Variants in NCS1 observed in about 807,000 individuals in gnomAD.
NCS1 encodes the protein frequenin homolog.
NCS1 carries 6 observed loss-of-function variants against 28.4 expected under a neutral mutation model. The observed-to-expected ratio is 0.21, with a 90% CI of 0.12 to 0.42. The LOEUF is 0.42. NCS1 is among the 10% of genes least tolerant of loss of function. NCS1 has a pLI of 1.00. For missense variants in NCS1, 131 were observed against 241.4 expected (o/e 0.54, Z 3.03); for synonymous variants, 86 against 99.3 (o/e 0.87, Z 0.79).
intron 1 of NCS1, among the ~76,000 whole-genome samples, chr9:130,173,744 T>TGGAG (rs1421520371): frequency 2.0e-5 from 3 of 152,138 alleles, no homozygotes; most frequent in Non-Finnish European, 2.9e-5. Context: ...GCACCACCCC[T>TGGAG]GGAGGCAGCA....
intron 1 of NCS1, among the ~76,000 whole-genome samples, chr9:130,173,332 G>A (rs1832516602): frequency 6.6e-6 from 1 of 152,126 alleles, no homozygotes; most frequent in South Asian, 2.1e-4. Flanking sequence ...GCCACACCGG[G>A]AAGTGGGTTT....
At chr9:130,216,732 G>A (rs1301141908) in intron 2 of NCS1, among the ~76,000 whole-genome samples, 4 of 149,890 alleles carry the variant, frequency 2.7e-5, no homozygotes, top group African/African-American at 7.4e-5. Context: ...AAAAAAAAAA[G>A]GCTTCCTCGT....
At chr9:130,187,498 C>T (rs1832753329) in intron 1 of NCS1, among the ~76,000 whole-genome samples, 1 of 152,180 alleles carries the variant, frequency 6.6e-6, no homozygotes, top group Admixed American at 6.5e-5. Context: ...CCCCTCCCAG[C>T]CAGTTGCCCT....
chr9:130,214,204 G>A (rs146012070), intron 2 of NCS1, among the ~76,000 whole-genome samples: 247 of 152,346 alleles, frequency 1.6e-3, no homozygotes, highest in African/African-American at 5.6e-3. Context: ...GTGGGCAGGG[G>A]CACAGAGGAG....
Position 130,233,350 on chromosome 9 carries a change from C to T in NCS1, c.*378C>T, listed in dbSNP as rs535982658. 6.6e-6 allele frequency: 1 copy of T among 152,232 alleles called. No homozygotes were observed. Among genetic ancestry groups the T allele is most frequent in the Non-Finnish European group, 1.5e-5 (1 of 68,030 alleles). 9.4% of individuals were successfully genotyped at this position (152,232 alleles called of 1,614,324 possible). A position where few individuals can be genotyped will look rare whatever the true frequency, so the allele number is the denominator to read the frequency against. On this transcript the variant is annotated 3_prime_UTR_variant, in exon 8 of 8. Transcript: ENST00000372398. The surrounding 1 kb of genome is among the most constrained non-coding windows in gnomAD (Gnocchi z 4.8). ...GTTTTAAAAGAAAAAAAAACAACTA[C>T]CTTCTGTCCTAGAAGACACAGACTG...
rs1156814253 is a variant in NCS1 at position 130,222,090 on chromosome 9, A to ATG, written c.308-550_308-549dup. Among the ~76,000 whole-genome samples, 41 of 78,392 alleles carry ATG rather than the reference A, an allele frequency of 5.2e-4. 5 individuals are homozygous for ATG. The highest frequency in any genetic ancestry group is 0.018 in the Middle Eastern group (2 of 114). The allele number at this position is 78,392 out of a possible 152,430, so 51.4% of individuals were successfully genotyped here. ...AAATTATGTATCTATAAATATATATATGTGTGTGTGTATATATATATACGT... is the reference window on the plus strand; with the variant it reads ...AAATTATGTATCTATAAATATATATATGTGTGTGTGTGTATATATATATACGT... On this transcript the variant is annotated intron_variant, in intron 4 of 7. Coordinates refer to ENST00000372398, the MANE Select transcript of NCS1 (RefSeq NM_014286.4).
intron 1 of NCS1, among the ~76,000 whole-genome samples, chr9:130,198,309 A>G (rs1832901216): frequency 6.6e-6 from 1 of 152,064 alleles, no homozygotes; most frequent in African/African-American, 2.4e-5. Context: ...GGCTGCTGGG[A>G]GACATGGGTG....
intron 7 of NCS1, among the ~76,000 whole-genome samples, chr9:130,231,486 CG>C (rs1288046747): frequency 6.6e-6 from 1 of 151,412 alleles, no homozygotes; most frequent in African/African-American, 2.4e-5. Flanking sequence ...TGGATTCAAG[CG>C]ATTCTCCTGC....
At chr9:130,198,469 G>T (rs1395857730) in intron 1 of NCS1, among the ~76,000 whole-genome samples, 1 of 152,178 alleles carries the variant, frequency 6.6e-6, no homozygotes, top group African/African-American at 2.4e-5. Flanking sequence ...GTCATACAAG[G>T]TCATGCAGAC....
rs781829881 is a variant in NCS1, at chr9:130,226,341, C to A, written c.475-48C>A. ...GCCCTGGGCTGGGCTTGTCTAGAGC[C>A]CTCTCCTGGGAGGCCCTGCACCCTC... is the stretch of plus-strand genomic sequence containing the variant. On this transcript the variant is annotated intron_variant, in intron 6 of 7. Transcript: ENST00000372398. The surrounding 1 kb of genome is among the most constrained non-coding windows in gnomAD (Gnocchi z 4.8). The A allele has an allele frequency of 6.6e-7, 1 of 1,521,196 alleles. No individual in the cohort carries two copies. Among genetic ancestry groups the A allele is most frequent in the Admixed American group, 1.7e-5 (1 of 59,544 alleles). The allele number at this position is 1,521,196 out of a possible 1,614,324, so 94.2% of individuals were successfully genotyped here.
Position 130,235,598 on chromosome 9 carries a change from G to A in NCS1, c.*2626G>A, listed in dbSNP as rs1182118395. 1 of 152,356 alleles carries A rather than the reference G, an allele frequency of 6.6e-6. No individual in the cohort carries two copies. The highest frequency in any genetic ancestry group is 1.5e-5 in the Non-Finnish European group (1 of 68,154). The allele number at this position is 152,356 out of a possible 1,614,324, so 9.4% of individuals were successfully genotyped here. On this transcript the variant is annotated 3_prime_UTR_variant, in exon 8 of 8. Transcript: ENST00000372398. ...ATGCTTGCGGACCGCAGCCCAGCAT[G>A]CCGGTGGGCCCACAGCCCGAGCCAG...
rs1833515806 is a variant in NCS1 at position 130,232,823 on chromosome 9, G to A, written c.*18-167G>A. Among the ~76,000 whole-genome samples, 1 of 151,980 alleles carries A rather than the reference G, an allele frequency of 6.6e-6. No homozygotes were observed. On this transcript the variant is annotated intron_variant, in intron 7 of 7. Coordinates refer to ENST00000372398, the MANE Select transcript of NCS1 (RefSeq NM_014286.4). The surrounding 1 kb of genome is among the most constrained non-coding windows in gnomAD (Gnocchi z 4.4). ...ACAAAAAAAAACCAAAAAACCCAAA[G>A]GGTGCCTCAGAGGTTATGCACATTT...
At chr9:130,182,586 G>A (rs782413702) in intron 1 of NCS1, among the ~76,000 whole-genome samples, 6 of 152,238 alleles carry the variant, frequency 3.9e-5, no homozygotes, top group Admixed American at 2.0e-4. Context: ...GAGGAGAGGC[G>A]CTGATAGGAG....
chr9:130,190,748 A>G (rs1832806893), intron 1 of NCS1, among the ~76,000 whole-genome samples: 1 of 152,182 alleles, frequency 6.6e-6, no homozygotes, highest in African/African-American at 2.4e-5. Flanking sequence ...TCTGGAGTCG[A>G]TAAACCTGGC....
intron 2 of NCS1, among the ~76,000 whole-genome samples, chr9:130,203,055 T>C (rs1832976073): frequency 6.7e-6 from 1 of 150,304 alleles, no homozygotes; most frequent in South Asian, 2.1e-4. Context: ...TATGTGTGTG[T>C]GTGTGTGTGT....
chr9:130,195,874 G>A (rs1318329340), intron 1 of NCS1, among the ~76,000 whole-genome samples: 1 of 152,252 alleles, frequency 6.6e-6, no homozygotes, highest in Non-Finnish European at 1.5e-5. Flanking sequence ...CAGGGAACAA[G>A]CTGTGCAAGG....
intron 4 of NCS1, among the ~76,000 whole-genome samples, chr9:130,221,435 G>GAGAGAGAGAA (rs1833299287): frequency 1.4e-5 from 2 of 140,916 alleles, no homozygotes; most frequent in African/African-American, 5.2e-5. Context: ...GAGAGAGAGA[G>GAGAGAGAGAA]AGAGAGAGAG....
intron 1 of NCS1, among the ~76,000 whole-genome samples, chr9:130,193,565 G>T (rs781921833): frequency 6.6e-6 from 1 of 152,050 alleles, no homozygotes; most frequent in Admixed American, 6.5e-5. Context: ...AGGCCCGGGC[G>T]ATCCCTTTGG....
intron 1 of NCS1, among the ~76,000 whole-genome samples, chr9:130,195,897 C>T (rs1832872378): frequency 1.3e-5 from 2 of 152,364 alleles, no homozygotes; most frequent in African/African-American, 4.8e-5. Context: ...TGCCTGCGTT[C>T]CTACCCTGCC....
Sources: gnomAD v4.1 joint callset for allele counts (sites outside exome capture counted in the v4.1 genomes callset) on GRCh38, gnomAD v4.1.1 for gene constraint, Gnocchi (gnomAD v3.1) non-coding constraint, MANE v1.5 for transcripts, NCBI Gene and HGNC (gene_info 2026-07-23, HGNC 2026-07-21) for gene names.